Variants in KDM1A observed in about 807,000 individuals in gnomAD.
KDM1A encodes lysine demethylase 1A, also known as lysine-specific histone demethylase 1A.
A neutral mutation model predicts 109.4 loss-of-function variants in KDM1A; 49 were observed. That is an observed-to-expected ratio of 0.45 (90% CI 0.36 to 0.57). The LOEUF is 0.57. Among genes scored for constraint, KDM1A ranks in the 20% least tolerant of loss-of-function variants. The probability of loss-of-function intolerance (pLI) is 0.00; values close to 1 mark genes in which losing one functional copy is unlikely to be tolerated. For missense variants in KDM1A, 668 were observed against 1,116.6 expected (o/e 0.60, Z 5.73); for synonymous variants, 380 against 415.4 (o/e 0.91, Z 1.04).
chr1:23,047,426 T>C (rs1642533703), intron 3 of KDM1A, among the ~76,000 whole-genome samples: 1 of 152,188 alleles, frequency 6.6e-6, no homozygotes, highest in Admixed American at 6.5e-5. Context: ...GAGAAGAATA[T>C]TATTCCAAGC....
intron 5 of KDM1A, 39 bp from the exon 6 acceptor site, chr1:23,055,030 T>C (rs1642785728): frequency 2.3e-6 from 3 of 1,306,688 alleles, no homozygotes; most frequent in Non-Finnish European, 3.3e-6. Flanking sequence ...TTTAAACTGC[T>C]GAAAATAAAA....
Position 23,083,245 on chromosome 1 carries a change from G to C in KDM1A, c.2512G>C (p.Ala838Pro), listed in dbSNP as rs1324799909. 6.2e-7 allele frequency: 1 copy of C among 1,613,932 alleles called. No homozygotes were observed. Among genetic ancestry groups the C allele is most frequent in the South Asian group, 1.1e-5 (1 of 91,060 alleles). The change falls in exon 21 of 21, where the codon GCT becomes CCT. Residue 838 changes from alanine to proline, a missense_variant. Around this residue, in one of 8 missense-constraint regions of KDM1A, gnomAD observed 69 missense variants for 99.6 expected, o/e 0.69. Transcript: ENST00000400181. ...TAACTACCCAGCCACAGTGCATGGT[G>C]CTCTGCTGAGTGGGCTGCGAGAAGC... is the stretch of plus-strand genomic sequence containing the variant. ...IRNYPATVHG[A>P]LLSGLREAGR...
intron 14 of KDM1A, 28 bp from the exon 15 acceptor site, chr1:23,073,264 A>G (rs754628546): frequency 6.0e-6 from 7 of 1,170,704 alleles, no homozygotes; most frequent in African/African-American, 3.0e-5. Context: ...ATCTTTTAAT[A>G]ATCCTGTAGT....
chr1:23,052,844 C>A (rs1453681059), intron 4 of KDM1A, among the ~76,000 whole-genome samples: 1 of 152,116 alleles, frequency 6.6e-6, no homozygotes, highest in African/African-American at 2.4e-5. Flanking sequence ...TCCTCTTGCC[C>A]TATTTTTTCC....
At chr1:23,073,593 C>T (rs371396175) in intron 15 of KDM1A, among the ~76,000 whole-genome samples, 190 bp downstream of exon 15, 1 of 152,202 alleles carries the variant, frequency 6.6e-6, no homozygotes, top group East Asian at 1.9e-4. Context: ...CCCACACAAT[C>T]AGAATATAGA....
At chr1:23,021,811 A>G (rs1329315439) in intron 1 of KDM1A, among the ~76,000 whole-genome samples, 1 of 152,216 alleles carries the variant, frequency 6.6e-6, no homozygotes, top group Non-Finnish European at 1.5e-5. Context: ...CATCATCCCC[A>G]AAGACATCTG....
chr1:23,080,805 C>A (rs557579304), intron 18 of KDM1A: 1 of 152,424 alleles, frequency 6.6e-6, no homozygotes, highest in African/African-American at 2.4e-5. Context: ...TTCCAGGACA[C>A]ATCTCCACTG....
chr1:23,076,994 A>T (rs1458176779), intron 15 of KDM1A, among the ~76,000 whole-genome samples: 1 of 151,426 alleles, frequency 6.6e-6, no homozygotes, highest in Non-Finnish European at 1.5e-5. Context: ...GGGACAAAAG[A>T]AACTTCCCTA....
chr1:23,022,643 T>G (rs1641672721), intron 1 of KDM1A, among the ~76,000 whole-genome samples: 4 of 129,280 alleles, frequency 3.1e-5, no homozygotes, highest in East Asian at 4.5e-4. Context: ...CCTGGCCTTC[T>G]TCTTCTTTTT....
intron 1 of KDM1A, among the ~76,000 whole-genome samples, chr1:23,028,722 A>G (rs2124363199): frequency 6.6e-6 from 1 of 151,954 alleles, no homozygotes; most frequent in Non-Finnish European, 1.5e-5. Flanking sequence ...TCCTTGCTGC[A>G]TTTTCATCCA....
intron 9 of KDM1A, among the ~76,000 whole-genome samples, chr1:23,061,806 G>A (rs901611987): frequency 6.6e-6 from 1 of 151,934 alleles, no homozygotes; most frequent in Non-Finnish European, 1.5e-5. Context: ...ACAGGCATGC[G>A]CCACCACGCC....
Position 23,081,578 on chromosome 1 carries a change from G to A in KDM1A, c.2298+5G>A. ...GGTAGCAGTGCAGTACCTCAGGTAAGTAGGTAGGTGGGGCAAGGAGGGATC... is the reference window on the plus strand; with the variant it reads ...GGTAGCAGTGCAGTACCTCAGGTAAATAGGTAGGTGGGGCAAGGAGGGATC... On this transcript the variant is annotated splice_donor_5th_base_variant and intron_variant, in intron 19 of 20. Coordinates refer to ENST00000400181, the MANE Select transcript of KDM1A (RefSeq NM_001009999.3). 6.2e-7 allele frequency: 1 copy of A among 1,614,100 alleles called. No homozygotes were observed. The highest frequency in any genetic ancestry group is 8.5e-7 in the Non-Finnish European group (1 of 1,179,968).
intron 2 of KDM1A, among the ~76,000 whole-genome samples, chr1:23,032,001 T>A (rs1448244231): frequency 1.3e-5 from 2 of 152,222 alleles, no homozygotes; most frequent in Non-Finnish European, 2.9e-5. Context: ...TCTAGTCTTA[T>A]ACATTTAGCT....
chr1:23,059,109 A>G lies in KDM1A; in HGVS notation c.1109A>G (p.Asn370Ser), dbSNP rs765174122. The change falls in exon 9 of 21, where the codon AAT becomes AGT. Residue 370 changes from asparagine (N) to serine (S), a missense_variant. Asn to Ser is a conservative substitution (Grantham distance 46, BLOSUM62 1). This residue lies in a region of KDM1A where 53 missense variants were observed against 122.5 expected (regional missense o/e 0.43). Coordinates refer to ENST00000400181, the MANE Select transcript of KDM1A (RefSeq NM_001009999.3). ...NPMAVVSKQVNMELAKIKQKC... is the reference protein window; with the variant it reads ...NPMAVVSKQVSMELAKIKQKC... ...ATGGCTGTGGTCAGCAAACAAGTAA[A>G]TATGGAACTGGCCAAGATCAAGCAA... 2 of 1,612,852 alleles carry G rather than the reference A, an allele frequency of 1.2e-6. No individual in the cohort carries two copies. Among genetic ancestry groups the G allele is most frequent in the Non-Finnish European group, 1.7e-6 (2 of 1,179,546 alleles).
intron 9 of KDM1A, among the ~76,000 whole-genome samples, chr1:23,059,765 A>G (rs1642947252): frequency 6.6e-6 from 1 of 152,170 alleles, no homozygotes; most frequent in Non-Finnish European, 1.5e-5. Context: ...AGTCAGTCCT[A>G]ATTTTTTACA....
At chr1:23,081,865 G>T in intron 19 of KDM1A, 1 of 433,866 alleles carries the variant, frequency 2.3e-6, no homozygotes, top group East Asian at 3.9e-5. Context: ...GTATCTCCGG[G>T]AAGTTTTCAG....
intron 19 of KDM1A, 200 bp from the exon 20 acceptor site, chr1:23,082,020 T>C: frequency 1.9e-6 from 1 of 536,412 alleles, no homozygotes; most frequent in Non-Finnish European, 3.3e-6. Context: ...GAAGGCAACA[T>C]GGAGGGGCAT....
intron 9 of KDM1A, among the ~76,000 whole-genome samples, chr1:23,062,918 G>A (rs189668339): frequency 1.9e-4 from 29 of 152,262 alleles, no homozygotes; most frequent in African/African-American, 6.5e-4. Context: ...GTTGATTGGT[G>A]ATGGAGTTAT....
At chr1:23,075,150 G>A (rs1189504625) in intron 15 of KDM1A, among the ~76,000 whole-genome samples, 10 of 151,990 alleles carry the variant, frequency 6.6e-5, no homozygotes, top group Admixed American at 3.3e-4. Context: ...GTTTTCTTTC[G>A]TTTATGTCAG....
Sources: gnomAD v4.1 joint callset for allele counts (sites outside exome capture counted in the v4.1 genomes callset) on GRCh38, gnomAD v4.1.1 for gene constraint, gnomAD v4.1.1 regional missense constraint, MANE v1.5 for transcripts, NCBI Gene and HGNC (gene_info 2026-07-23, HGNC 2026-07-21) for gene names.